LRRC4C: variants seen among roughly 807,000 people sequenced by gnomAD.
The protein encoded by LRRC4C is leucine-rich repeat-containing protein 4C.
A neutral mutation model predicts 33.6 loss-of-function variants in LRRC4C; 5 were observed. The observed-to-expected ratio is 0.15, with a 90% CI of 0.08 to 0.31. The LOEUF (loss-of-function observed/expected upper bound fraction) is 0.31. LRRC4C is among the 10% of genes least tolerant of loss of function. LRRC4C has a pLI of 1.00. For missense variants in LRRC4C, 560 were observed against 796.7 expected, an observed-to-expected ratio of 0.70 and a Z score of 3.58; for synonymous variants, 329 against 302.0, an observed-to-expected ratio of 1.09 and a Z score of -0.93.
chr11:40,832,306 T>A (rs1046066902), intron 2 of LRRC4C, among the ~76,000 whole-genome samples: 1 of 152,206 alleles, frequency 6.6e-6, no homozygotes, highest in Non-Finnish European at 1.5e-5. Context: ...GGTTGAAATG[T>A]CATTATGTGG....
intron 3 of LRRC4C, among the ~76,000 whole-genome samples, chr11:40,592,211 G>T (rs1272176958): frequency 6.6e-6 from 1 of 152,162 alleles, no homozygotes; most frequent in Non-Finnish European, 1.5e-5. Context: ...GTGCTATAAA[G>T]TACAGAGTGC....
At chr11:41,399,104 T>C (rs1256456460) in intron 1 of LRRC4C, among the ~76,000 whole-genome samples, 1 of 151,962 alleles carries the variant, frequency 6.6e-6, no homozygotes, top group African/African-American at 2.4e-5. Flanking sequence ...CTGCCATCAC[T>C]AGTTTTGTGT....
At chr11:40,490,449 T>A (rs1054208207) in intron 3 of LRRC4C, among the ~76,000 whole-genome samples, 3 of 152,152 alleles carry the variant, frequency 2.0e-5, no homozygotes, top group African/African-American at 4.8e-5. Flanking sequence ...GTATGCCTGT[T>A]GTATGCATCT....
intron 3 of LRRC4C, among the ~76,000 whole-genome samples, chr11:40,363,733 G>A (rs1392640924): frequency 3.3e-5 from 5 of 152,212 alleles, no homozygotes; most frequent in African/African-American, 1.2e-4. Flanking sequence ...CAGATGATAT[G>A]CTCTCAAAGA....
intron 1 of LRRC4C, among the ~76,000 whole-genome samples, chr11:41,292,529 T>C (rs574053740): frequency 1.2e-3 from 182 of 152,060 alleles, no homozygotes; most frequent in African/African-American, 4.4e-3. Context: ...ATAAAAATTA[T>C]ATTTTATACT....
chr11:41,316,582 A>ATTAAGGATC (rs1218875039), intron 1 of LRRC4C, among the ~76,000 whole-genome samples: 2 of 152,190 alleles, frequency 1.3e-5, no homozygotes, highest in Admixed American at 6.5e-5. Context: ...ATTCGTCTGA[A>ATTAAGGATC]TTAAGGATCT....
chr11:40,597,311 GA>G (rs200131507), intron 3 of LRRC4C, among the ~76,000 whole-genome samples: 3,060 of 152,186 alleles, frequency 0.02, 47 homozygotes, highest in South Asian at 0.037. Context: ...ACTAATCCAA[GA>G]TCTCATGGTT....
chr11:40,794,853 A>G (rs1459812829), intron 2 of LRRC4C, among the ~76,000 whole-genome samples: 1 of 152,200 alleles, frequency 6.6e-6, no homozygotes, highest in Admixed American at 6.5e-5. Context: ...TCCCAATATC[A>G]GCAGATAAAG....
rs551570196 is a variant in LRRC4C, at chr11:41,427,148, C to T, written c.-496+32283G>A. Among the ~76,000 whole-genome samples the T allele has an allele frequency of 2.8e-3, 422 of 152,274 alleles. 2 individuals are homozygous for T. The highest frequency in any genetic ancestry group is 9.8e-3 in the African/African-American group (406 of 41,572). On this transcript the variant is annotated intron_variant, in intron 1 of 6. Transcript: ENST00000528697. Reference sequence around the variant, plus strand: ...TAGGTGATGACCTATTGCACATATACATGCCTTTCTATAAGCATTTGAAAT... The same window carrying T: ...TAGGTGATGACCTATTGCACATATATATGCCTTTCTATAAGCATTTGAAAT...
chr11:40,200,784 A>AAAAAAAAAAAAAAAG (rs71060946), intron 5 of LRRC4C, among the ~76,000 whole-genome samples: 13 of 78,430 alleles, frequency 1.7e-4, no homozygotes, highest in Admixed American at 6.0e-4. Context: ...AAAAAAAAAA[A>AAAAAAAAAAAAAAAG]AAAAGAAAAG....
chr11:40,972,986 T>C (rs889630091), intron 1 of LRRC4C, among the ~76,000 whole-genome samples: 6 of 152,140 alleles, frequency 3.9e-5, no homozygotes, highest in Non-Finnish European at 7.4e-5. Context: ...GGTGCTATCA[T>C]TGCCAGTGAG....
At chr11:41,331,690 A>G (rs2137377100) in intron 1 of LRRC4C, among the ~76,000 whole-genome samples, 1 of 152,292 alleles carries the variant, frequency 6.6e-6, no homozygotes, top group Non-Finnish European at 1.5e-5. Flanking sequence ...CATGGCTACA[A>G]CATACAGTTG....
chr11:41,190,856 C>G (rs748155913), intron 1 of LRRC4C, among the ~76,000 whole-genome samples: 1 of 152,162 alleles, frequency 6.6e-6, no homozygotes, highest in African/African-American at 2.4e-5. Flanking sequence ...ACTTCTGAAG[C>G]TCACTGTCAC....
At chr11:41,344,641 C>G (rs1277570234) in intron 1 of LRRC4C, among the ~76,000 whole-genome samples, 2 of 152,164 alleles carry the variant, frequency 1.3e-5, no homozygotes, top group Non-Finnish European at 2.9e-5. Flanking sequence ...CTGCTTTATG[C>G]AAGGGATAGC....
intron 3 of LRRC4C, among the ~76,000 whole-genome samples, chr11:40,429,601 T>C (rs1565379006): frequency 6.6e-6 from 1 of 151,700 alleles, no homozygotes; most frequent in Non-Finnish European, 1.5e-5. Context: ...TGTAAGGGTA[T>C]GTGGATTTCT....
At chr11:40,240,463 A>C (rs1374015796) in intron 5 of LRRC4C, among the ~76,000 whole-genome samples, 2 of 152,160 alleles carry the variant, frequency 1.3e-5, no homozygotes, top group African/African-American at 4.8e-5. Context: ...TGAAGCCCAG[A>C]ACTTAAAAGC....
chr11:40,530,351 G>A (rs530991758), intron 3 of LRRC4C, among the ~76,000 whole-genome samples: 1 of 152,056 alleles, frequency 6.6e-6, no homozygotes, highest in African/African-American at 2.4e-5. Context: ...ATAGGATGTC[G>A]CAGAATTTAA....
At chr11:40,615,754 T>C (rs930997587) in intron 3 of LRRC4C, among the ~76,000 whole-genome samples, 1 of 151,728 alleles carries the variant, frequency 6.6e-6, no homozygotes, top group Non-Finnish European at 1.5e-5. Context: ...AAGAACTACA[T>C]TCCCTCTTAA....
intron 3 of LRRC4C, among the ~76,000 whole-genome samples, chr11:40,497,015 C>T (rs1242107183): frequency 6.6e-6 from 1 of 152,164 alleles, no homozygotes; most frequent in East Asian, 1.9e-4. Context: ...AACCCATCTG[C>T]TGTTCAAGTC....
Sources: allele counts gnomAD v4.1 joint callset (sites outside exome capture counted in the v4.1 genomes callset), GRCh38; gene constraint gnomAD v4.1.1; transcripts MANE v1.5; gene names NCBI Gene and HGNC (gene_info 2026-07-23, HGNC 2026-07-21).